Variants in WDR81 observed in about 807,000 individuals in gnomAD.
WDR81 encodes WD repeat-containing protein 81.
WDR81 carries 92 observed loss-of-function variants against 140.8 expected under a neutral mutation model. That is an observed-to-expected ratio of 0.65 (90% CI 0.55 to 0.78). The LOEUF (loss-of-function observed/expected upper bound fraction) is 0.78. Among genes scored for constraint, WDR81 ranks in the 30% least tolerant of loss-of-function variants. The pLI, the probability that WDR81 is intolerant of heterozygous loss-of-function variation, is 0.00. For missense variants in WDR81, 2,502 were observed against 2,636.4 expected (o/e 0.95, Z 1.12); for synonymous variants, 1,183 against 1,156.4 (o/e 1.02, Z -0.47).
At position 1,725,930 on chromosome 17, in the gene WDR81, C is replaced by T; in HGVS notation, c.971C>T (p.Ala324Val). Residue 324 changes from alanine to valine, a missense_variant, in exon 1 of 10, where the codon GCG becomes GTG. Physicochemically the swap from Ala to Val is moderately conservative, Grantham distance 64. Around this residue, in one of 3 missense-constraint regions of WDR81, gnomAD observed 547 missense variants for 513.8 expected, o/e 1.06. Transcript: ENST00000409644. ...GAGGCCCCTGTGGCAAGGGATGAGG[C>T]GGGCATTGTGTCTCAAGAGGAGCAG... Reference protein sequence around the residue: ...NEEAPVARDEAGIVSQEEQGG... With the variant: ...NEEAPVARDEVGIVSQEEQGG... The T allele has an allele frequency of 3.2e-6, 5 of 1,550,712 alleles. No homozygotes were observed. The highest frequency in any genetic ancestry group is 1.7e-4 in the Middle Eastern group (1 of 5,988).
chr17:1,727,589 TC>T lies in WDR81; in HGVS notation c.2633del (p.Pro878ArgfsTer36). The T allele has an allele frequency of 6.4e-7, 1 of 1,550,416 alleles. No homozygotes were observed. Among genetic ancestry groups the T allele is most frequent in the Non-Finnish European group, 8.7e-7 (1 of 1,147,008 alleles). ...TCCGTGGTTCCCTTCCCACCCTACT[TC>T]CCGGCACTGCACAGATTCATCCTCC... Reference protein sequence around the residue: ...FSSVVPFPPYFPALHRFILLY... With the variant: ...FSSVVPFPPYXPALHRFILLY... On this transcript the variant is annotated frameshift_variant, in exon 1 of 10. Coordinates refer to ENST00000409644, the MANE Select transcript of WDR81 (RefSeq NM_001163809.2). LOFTEE classifies it high-confidence loss of function.
chr17:1,719,625 A>G (rs1567713949), intron 1 of WDR81, among the ~76,000 whole-genome samples: 1 of 151,674 alleles, frequency 6.6e-6, no homozygotes, highest in East Asian at 1.9e-4. Flanking sequence ...GCACTTTGGG[A>G]GGCCGAAGCA....
rs1567719594 is a variant in WDR81 at position 1,727,029 on chromosome 17, CTCTT to C, written c.2074_2077del (p.Phe692GlnfsTer53). 1 of 1,550,402 alleles carries C rather than the reference CTCTT, an allele frequency of 6.4e-7. No individual in the cohort carries two copies. Among genetic ancestry groups the C allele is most frequent in the East Asian group, 2.4e-5 (1 of 40,924 alleles). On this transcript the variant is annotated frameshift_variant, in exon 1 of 10. Transcript: ENST00000409644. LOFTEE classifies it high-confidence loss of function. ...CCAGTCAAGCGTCCCCTGGACTTCT[CTCTT>C]TCTCAGTGGCCTCAGCCTCCCGTCC...
Position 1,737,674 on chromosome 17 carries a change from C to G in WDR81, c.5815C>G (p.Leu1939Val), listed in dbSNP as rs138643010. The G allele has an allele frequency of 4.3e-6, 7 of 1,609,386 alleles. No homozygotes were observed. The highest frequency in any genetic ancestry group is 1.7e-5 in the Admixed American group (1 of 59,922). ...LLGSDNGVIR[L>V]LA ...GGGCTCAGACAACGGGGTTATCCGCCTCCTGGCATAGACTGAGGCAGGAGC... is the reference window on the plus strand; with the variant it reads ...GGGCTCAGACAACGGGGTTATCCGCGTCCTGGCATAGACTGAGGCAGGAGC... The change falls in exon 10 of 10, where the codon CTC becomes GTC. Residue 1939 changes from leucine (L) to valine (V), a missense_variant. Physicochemically the swap from Leu to Val is conservative, Grantham distance 32. Around this residue, in one of 3 missense-constraint regions of WDR81, gnomAD observed 1,737 missense variants for 1,843.0 expected, o/e 0.94. Coordinates refer to ENST00000409644, the MANE Select transcript of WDR81 (RefSeq NM_001163809.2).
chr17:1,726,361 C>G lies in WDR81; in HGVS notation c.1402C>G (p.Arg468Gly). The part of the protein sequence containing the change: ...TPRSVLCGHV[R>G]AQWEPHEYPA... ...TCGGTCGGTGCTCTGCGGACACGTC[C>G]GCGCGCAGTGGGAGCCCCATGAGTA... Residue 468 changes from arginine to glycine, a missense_variant, in exon 1 of 10, where the codon CGC becomes GGC. Physicochemically the swap from Arg to Gly is moderately radical, Grantham distance 125. This residue lies in a region of WDR81 where 218 missense variants were observed against 279.6 expected (regional missense o/e 0.78). Coordinates refer to ENST00000409644, the MANE Select transcript of WDR81 (RefSeq NM_001163809.2). 3 of 1,548,876 alleles carry G rather than the reference C, an allele frequency of 1.9e-6. No individual in the cohort carries two copies. The highest frequency in any genetic ancestry group is 2.6e-6 in the Non-Finnish European group (3 of 1,146,034).
chr17:1,726,501 G>T lies in WDR81; in HGVS notation c.1542G>T (p.Val514=). 1 of 1,550,478 alleles carries T rather than the reference G, an allele frequency of 6.4e-7. No individual in the cohort carries two copies. The highest frequency in any genetic ancestry group is 8.7e-7 in the Non-Finnish European group (1 of 1,147,008). Residue 514 remains valine, a synonymous_variant, in exon 1 of 10, where the codon GTG becomes GTT. Coordinates refer to ENST00000409644, the MANE Select transcript of WDR81 (RefSeq NM_001163809.2). ...ACCCCGACATGCCTGACCTGGATGT[G>T]CCAGCCTGGTGCAGCTCCAGCCAGG... ...SIHPDMPDLD[V]PAWCSSSQEF... is the part of the protein sequence containing the mutation.
exon 1 of WDR81, chr17:1,716,560 T>A (rs1204422629): frequency 1.9e-6 from 3 of 1,551,266 alleles, no homozygotes; most frequent in East Asian, 2.4e-5. Flanking sequence ...AGCCACGGCG[T>A]CTGCGTTTGC....
chr17:1,717,962 G>A (rs1357220194), intron 1 of WDR81, among the ~76,000 whole-genome samples: 1 of 152,118 alleles, frequency 6.6e-6, no homozygotes, highest in Non-Finnish European at 1.5e-5. Flanking sequence ...CTGGGGAGGA[G>A]GAATGGCTAT....
chr17:1,734,287 C>T lies in WDR81; in HGVS notation c.5179+71C>T, dbSNP rs1182262769. ...CCACCAGGCCTCCAGGAAGGGGGCCCGAGGGTGGGGCTGTAATGCTGCGGA... is the reference window on the plus strand; with the variant it reads ...CCACCAGGCCTCCAGGAAGGGGGCCTGAGGGTGGGGCTGTAATGCTGCGGA... On this transcript the variant is annotated intron_variant, in intron 7 of 9. Transcript: ENST00000409644. 15 of 1,447,836 alleles carry T rather than the reference C, an allele frequency of 1.0e-5. No homozygotes were observed. In the South Asian group the frequency reaches 1.4e-4, roughly 14 times the overall value. 89.7% of individuals were successfully genotyped at this position (1,447,836 alleles called of 1,614,324 possible). A position where few individuals can be genotyped will look rare whatever the true frequency, so the allele number is the denominator to read the frequency against.
intron 9 of WDR81, among the ~76,000 whole-genome samples, chr17:1,736,693 C>T (rs1904897125): frequency 1.3e-5 from 2 of 152,110 alleles, no homozygotes; most frequent in Admixed American, 6.5e-5. Context: ...GGATCCTGTC[C>T]CCGTCTCCTT....
At chr17:1,736,300 C>T (rs1199003326) in intron 9 of WDR81, 82 bp downstream of exon 9, 56 of 1,482,548 alleles carry the variant, frequency 3.8e-5, no homozygotes, top group East Asian at 1.2e-4. Context: ...TCTGCCTGCC[C>T]GGGTTCAGGC....
Position 1,726,961 on chromosome 17 carries a change from T to G in WDR81, c.2002T>G (p.Ser668Ala). Residue 668 changes from serine (S) to alanine (A), a missense_variant, in exon 1 of 10, where the codon TCC becomes GCC. By Grantham distance (99) the Ser-to-Ala change is moderately conservative. This residue lies in a region of WDR81 where 1,737 missense variants were observed against 1,843.0 expected (regional missense o/e 0.94). Transcript: ENST00000409644. ...DLEQATEALD[S>A]ISLAGKAGDQ... ...GGAACAGGCCACAGAAGCTCTGGAT[T>G]CCATTTCCCTTGCTGGGAAAGCAGG... The G allele has an allele frequency of 6.4e-7, 1 of 1,550,432 alleles. No individual in the cohort carries two copies. The highest frequency in any genetic ancestry group is 8.7e-7 in the Non-Finnish European group (1 of 1,146,964).
intron 6 of WDR81, 124 bp from the exon 7 acceptor site, chr17:1,733,403 G>A (rs1479791641): frequency 1.1e-6 from 1 of 933,758 alleles, no homozygotes; most frequent in Non-Finnish European, 1.6e-6. Flanking sequence ...CAGAGACAGA[G>A]TTACTTGCCC....
chr17:1,731,226 C>T lies in WDR81; in HGVS notation c.4125C>T (p.Pro1375=), dbSNP rs768400303. The T allele has an allele frequency of 4.8e-5, 77 of 1,613,374 alleles. 2 individuals carry two copies. In the Admixed American group the frequency reaches 5.0e-4, roughly 10 times the overall value. ...GGATCAGCCATGAGGTCCTGCTGCCCGTGCTCAGCTTCCTCACCTCCCTCG... is the reference window on the plus strand; with the variant it reads ...GGATCAGCCATGAGGTCCTGCTGCCTGTGCTCAGCTTCCTCACCTCCCTCG... The part of the protein sequence containing the change: ...LPRISHEVLL[P]VLSFLTSLVT... Residue 1375 remains proline, a synonymous_variant, in exon 4 of 10, where the codon CCC becomes CCT. Coordinates refer to ENST00000409644, the MANE Select transcript of WDR81 (RefSeq NM_001163809.2).
intron 2 of WDR81, 105 bp downstream of exon 2, chr17:1,730,592 AC>A (rs1361586408): frequency 8.7e-6 from 12 of 1,385,148 alleles, no homozygotes; most frequent in Admixed American, 6.7e-5. Flanking sequence ...CCCTCAAACC[AC>A]CCCCCGGCCA....
At chr17:1,716,860 C>G (rs1464355535) in intron 1 of WDR81, 1 of 600,940 alleles carries the variant, frequency 1.7e-6, no homozygotes, top group Non-Finnish European at 2.9e-6. Context: ...CGTTGGAGAG[C>G]TCTCCAGGGT....
upstream of WDR81, among the ~76,000 whole-genome samples, chr17:1,722,995 G>C (rs757290254): frequency 2.0e-5 from 3 of 151,956 alleles, no homozygotes; most frequent in East Asian, 1.9e-4. Flanking sequence ...GACCGGCCAA[G>C]GCCTAGTTTT....
intron 1 of WDR81, among the ~76,000 whole-genome samples, 170 bp downstream of exon 1, chr17:1,728,796 AC>A (rs1370511218): frequency 6.6e-6 from 1 of 152,066 alleles, no homozygotes; most frequent in Admixed American, 6.5e-5. Context: ...TACTAAAAAT[AC>A]AAAAAAATAG....
chr17:1,730,957 G>A lies in WDR81; in HGVS notation c.3966+12G>A. The A allele has an allele frequency of 6.2e-7, 1 of 1,611,758 alleles. No homozygotes were observed. Among genetic ancestry groups the A allele is most frequent in the East Asian group, 2.2e-5 (1 of 44,844 alleles). The stretch of plus-strand genomic sequence containing the variant: ...ACATCAGCTACCTGGTCAGTCGCTG[G>A]TTTGGCAGGCCCGGGGCTGGGAAGG... On this transcript the variant is annotated intron_variant, in intron 3 of 9. Transcript: ENST00000409644.
Sources: gnomAD v4.1 joint callset for allele counts (sites outside exome capture counted in the v4.1 genomes callset) on GRCh38, gnomAD v4.1.1 for gene constraint, gnomAD v4.1.1 regional missense constraint, MANE v1.5 for transcripts, NCBI Gene and HGNC (gene_info 2026-07-23, HGNC 2026-07-21) for gene names.